SEC24B: variants seen among roughly 807,000 people sequenced by gnomAD.
SEC24B encodes the protein SEC24 homolog B, COPII component.
Under a neutral mutation model 142.8 loss-of-function variants are expected in SEC24B, and 45 were observed. The ratio of observed to expected loss-of-function variants is 0.32; its 90% CI spans 0.25 to 0.40. The LOEUF (loss-of-function observed/expected upper bound fraction) is 0.40, where lower values mean the gene tolerates loss of function less well. Ranked by LOEUF, SEC24B falls within the 10% of genes least tolerant of loss-of-function variation. SEC24B has a pLI of 1.00. For missense variants in SEC24B, 1,409 were observed against 1,526.8 expected, an observed-to-expected ratio of 0.92 and a Z score of 1.29; for synonymous variants, 574 against 568.2, an observed-to-expected ratio of 1.01 and a Z score of -0.15.
At chr4:109,453,709 A>G (rs1473211786) in intron 1 of SEC24B, among the ~76,000 whole-genome samples, 1 of 152,160 alleles carries the variant, frequency 6.6e-6, no homozygotes, top group African/African-American at 2.4e-5. Flanking sequence ...CAGGGTCCTG[A>G]GGCGACATAC....
At chr4:109,437,495 G>A (rs1335069423) in intron 1 of SEC24B, among the ~76,000 whole-genome samples, 1 of 152,096 alleles carries the variant, frequency 6.6e-6, no homozygotes, top group Non-Finnish European at 1.5e-5. Flanking sequence ...TCACCATGTT[G>A]CCCAGGCTGT....
chr4:109,507,360 C>T (rs1245583568), intron 7 of SEC24B, among the ~76,000 whole-genome samples: 15 of 151,228 alleles, frequency 9.9e-5, no homozygotes, highest in South Asian at 2.1e-4. Context: ...CTGCAACCTC[C>T]GCCTCCCAGG....
chr4:109,513,978 A>G, intron 10 of SEC24B, 122 bp downstream of exon 10: 1 of 616,072 alleles, frequency 1.6e-6, no homozygotes, highest in Non-Finnish European at 2.9e-6. Flanking sequence ...TTAAAAACAA[A>G]TTAATGCTGG....
At chr4:109,482,979 TACACACACAC>T (rs1554001099) in intron 4 of SEC24B, among the ~76,000 whole-genome samples, 1 of 26,406 alleles carries the variant, frequency 3.8e-5, no homozygotes, top group Non-Finnish European at 7.5e-5. Context: ...TATATATATA[TACACACACAC>T]ACACACACAC....
intron 1 of SEC24B, among the ~76,000 whole-genome samples, chr4:109,456,334 G>GTTTTTTTTT (rs70949081): frequency 2.1e-3 from 195 of 93,858 alleles, no homozygotes; most frequent in Non-Finnish European, 2.5e-3. Context: ...GGTTTTTTTT[G>GTTTTTTTTT]TTTTTTTTTT....
intron 1 of SEC24B, among the ~76,000 whole-genome samples, chr4:109,450,551 G>A (rs929144431): frequency 6.6e-6 from 1 of 151,482 alleles, no homozygotes; most frequent in Non-Finnish European, 1.5e-5. Flanking sequence ...CCAGCTACTT[G>A]GGAGGCTGAG....
intron 6 of SEC24B, among the ~76,000 whole-genome samples, chr4:109,503,175 T>C (rs1260784515): frequency 6.6e-6 from 1 of 151,488 alleles, no homozygotes; most frequent in Non-Finnish European, 1.5e-5. Flanking sequence ...TTCTCCTGCC[T>C]CAGACTCCCG....
Position 109,533,584 on chromosome 4 carries a change from T to C in SEC24B, c.3496-9T>C. ...GGAGTTTTAATATTTTGTTGCTTTT[T>C]CTTTTTAGGTTTTTTACATTTGGGT... On this transcript the variant is annotated splice_polypyrimidine_tract_variant and intron_variant, in intron 21 of 23. Transcript: ENST00000265175. 1.9e-6 allele frequency: 3 copies of C among 1,590,060 alleles called. No individual in the cohort carries two copies. Among genetic ancestry groups the C allele is most frequent in the African/African-American group, 1.3e-5 (1 of 74,442 alleles).
At chr4:109,444,839 G>C (rs1475214920) in intron 1 of SEC24B, among the ~76,000 whole-genome samples, 2 of 152,180 alleles carry the variant, frequency 1.3e-5, no homozygotes, top group African/African-American at 4.8e-5. Flanking sequence ...TAATGTGTCA[G>C]AATCATCTGT....
chr4:109,443,530 C>T (rs1729127173), intron 1 of SEC24B, among the ~76,000 whole-genome samples: 1 of 152,282 alleles, frequency 6.6e-6, no homozygotes, highest in Admixed American at 6.5e-5. Context: ...GCATGAACCA[C>T]CATGCCTGGC....
chr4:109,512,176 T>C, intron 9 of SEC24B, 93 bp downstream of exon 9: 1 of 1,161,284 alleles, frequency 8.6e-7, no homozygotes, highest in Non-Finnish European at 1.2e-6. Flanking sequence ...CTTCATTGCT[T>C]TAAAAAGAAT....
At chr4:109,481,897 T>A (rs1733782355) in intron 4 of SEC24B, 116 bp downstream of exon 4, 1 of 698,928 alleles carries the variant, frequency 1.4e-6, no homozygotes, top group Non-Finnish European at 2.3e-6. Flanking sequence ...CATGATGAAC[T>A]TACGAGGTTT....
intron 4 of SEC24B, among the ~76,000 whole-genome samples, chr4:109,483,336 C>T (rs962590099): frequency 1.3e-5 from 2 of 151,858 alleles, no homozygotes; most frequent in Non-Finnish European, 2.9e-5. Flanking sequence ...GCCTTGGCCT[C>T]CCAAAGTGCT....
intron 7 of SEC24B, among the ~76,000 whole-genome samples, chr4:109,508,681 CTT>C (rs1361675409): frequency 6.6e-6 from 1 of 152,158 alleles, no homozygotes; most frequent in Non-Finnish European, 1.5e-5. Flanking sequence ...GAAAATGTCT[CTT>C]TTATCAAAAT....
intron 3 of SEC24B, among the ~76,000 whole-genome samples, chr4:109,475,315 C>T (rs529276679): frequency 3.9e-5 from 6 of 152,204 alleles, no homozygotes; most frequent in East Asian, 3.9e-4. Context: ...TATGGTGGTG[C>T]GAATTGTCAT....
At chr4:109,513,071 T>C (rs1365808967) in intron 9 of SEC24B, among the ~76,000 whole-genome samples, 1 of 145,364 alleles carries the variant, frequency 6.9e-6, no homozygotes. Flanking sequence ...ACCTCCCGGG[T>C]TCAAGCAATT....
chr4:109,469,524 G>A (rs1732303620), intron 2 of SEC24B, among the ~76,000 whole-genome samples: 1 of 152,134 alleles, frequency 6.6e-6, no homozygotes, highest in African/African-American at 2.4e-5. Context: ...ACCGTATATG[G>A]TACTTCGGAG....
At chr4:109,442,109 C>A (rs1283809644) in intron 1 of SEC24B, among the ~76,000 whole-genome samples, 1 of 152,072 alleles carries the variant, frequency 6.6e-6, no homozygotes, top group African/African-American at 2.4e-5. Context: ...ATTTTTTATG[C>A]CCATTAAAAA....
chr4:109,532,501 T>C (rs1725034651), intron 20 of SEC24B, 138 bp from the exon 21 acceptor site: 4 of 636,620 alleles, frequency 6.3e-6, no homozygotes, highest in African/African-American at 3.6e-5. Flanking sequence ...GGTGGTAGCA[T>C]ATAATCAGTA....
Sources: allele counts gnomAD v4.1 joint callset (sites outside exome capture counted in the v4.1 genomes callset), GRCh38; gene constraint gnomAD v4.1.1; transcripts MANE v1.5; gene names NCBI Gene and HGNC (gene_info 2026-07-23, HGNC 2026-07-21).